The following COL24A1 variants were observed in gnomAD, a reference collection of about 807,000 sequenced individuals.
COL24A1 encodes collagen type XXIV alpha 1 chain.
A neutral mutation model predicts 253.9 loss-of-function variants in COL24A1; 224 were observed. The observed-to-expected ratio is 0.88, with a 90% CI of 0.79 to 0.99. The LOEUF (loss-of-function observed/expected upper bound fraction) is 0.99, where lower values mean the gene tolerates loss of function less well. Ranked by LOEUF, COL24A1 falls within the 50% of genes least tolerant of loss-of-function variation. COL24A1 has a pLI of 0.00. For synonymous variants in COL24A1, 685 were observed against 673.7 expected, an observed-to-expected ratio of 1.02 and a Z score of -0.26; for missense variants, 2,131 against 2,068.5, an observed-to-expected ratio of 1.03 and a Z score of -0.59.
At chr1:86,019,951 C>G (rs1393142331) in intron 18 of COL24A1, among the ~76,000 whole-genome samples, 2 of 151,740 alleles carry the variant, frequency 1.3e-5, no homozygotes, top group African/African-American at 4.8e-5. Context: ...TTAGCTTACA[C>G]TAGGAGGAAT....
In COL24A1 at chr1:85,873,277, T is replaced by G. The variant is rs1242066594; in HGVS notation, c.3138+1372A>C. ...AGTTCAACCATTGTGGAAGACAGTGTGGCGATTCCTCAAGGATCTAGAATT... is the reference window on the plus strand; with the variant it reads ...AGTTCAACCATTGTGGAAGACAGTGGGGCGATTCCTCAAGGATCTAGAATT... On this transcript the variant is annotated intron_variant, in intron 35 of 59. Coordinates refer to ENST00000370571, the MANE Select transcript of COL24A1 (RefSeq NM_152890.7). 2.6e-5 allele frequency among the ~76,000 whole-genome samples: 4 copies of G among 152,196 alleles called. No homozygotes were observed. The East Asian group carries it at 7.7e-4, about 29-fold the overall frequency.
chr1:85,881,148 A>G (rs1053887951), intron 32 of COL24A1, among the ~76,000 whole-genome samples: 7 of 152,348 alleles, frequency 4.6e-5, no homozygotes, highest in African/African-American at 1.7e-4. Context: ...GAATTCACCA[A>G]TGAGATAACC....
At chr1:86,103,592 T>G (rs1704662514) in intron 5 of COL24A1, among the ~76,000 whole-genome samples, 1 of 152,214 alleles carries the variant, frequency 6.6e-6, no homozygotes, top group African/African-American at 2.4e-5. Flanking sequence ...ACTAACTCCC[T>G]CAGCATTTGC....
At chr1:86,013,517 G>A (rs1304742662) in intron 19 of COL24A1, among the ~76,000 whole-genome samples, 1 of 152,134 alleles carries the variant, frequency 6.6e-6, no homozygotes, top group African/African-American at 2.4e-5. Context: ...TATATTTCAG[G>A]CAAAAGCCTC....
intron 39 of COL24A1, among the ~76,000 whole-genome samples, chr1:85,843,300 T>A (rs1015499061): frequency 2.3e-4 from 35 of 152,212 alleles, no homozygotes; most frequent in African/African-American, 8.2e-4. Flanking sequence ...TTAGTAAATT[T>A]AGACTCATCC....
At chr1:86,045,268 G>A (rs190520396) in intron 12 of COL24A1, among the ~76,000 whole-genome samples, 2 of 152,180 alleles carry the variant, frequency 1.3e-5, no homozygotes, top group East Asian at 1.9e-4. Flanking sequence ...GGGATTACAG[G>A]TGTGAGCCAC....
At chr1:86,077,723 CA>C (rs1462211169) in intron 7 of COL24A1, among the ~76,000 whole-genome samples, 5 of 151,858 alleles carry the variant, frequency 3.3e-5, no homozygotes, top group African/African-American at 1.2e-4. Context: ...TCATTCTTAG[CA>C]AACTAACCCA....
chr1:85,902,376 C>T (rs1177307272), intron 28 of COL24A1, among the ~76,000 whole-genome samples: 1 of 152,188 alleles, frequency 6.6e-6, no homozygotes, highest in Non-Finnish European at 1.5e-5. Flanking sequence ...ACCTGTTTTA[C>T]ACCCCCTCGC....
chr1:85,970,308 A>C (rs1183244689), intron 21 of COL24A1, 37 bp from the exon 22 acceptor site: 1 of 1,519,808 alleles, frequency 6.6e-7, no homozygotes, highest in Non-Finnish European at 8.9e-7. Context: ...ATTATGGCCT[A>C]AAATGAGTAT....
intron 53 of COL24A1, among the ~76,000 whole-genome samples, chr1:85,771,748 A>T (rs184714539): frequency 2.0e-5 from 3 of 150,068 alleles, no homozygotes; most frequent in Admixed American, 6.7e-5. Context: ...TTTCTCCACA[A>T]CCTCTCCAGC....
intron 10 of COL24A1, 105 bp downstream of exon 10, chr1:86,057,826 T>G (rs1700772694): frequency 1.0e-6 from 1 of 972,944 alleles, no homozygotes; most frequent in Non-Finnish European, 1.5e-6. Flanking sequence ...ACATTTGAAT[T>G]AAATTCAAAG....
chr1:86,119,204 C>T (rs1304618812), intron 3 of COL24A1, among the ~76,000 whole-genome samples: 1 of 152,168 alleles, frequency 6.6e-6, no homozygotes. Flanking sequence ...ACGAAAGGAT[C>T]ATAACCACAA....
At chr1:86,086,800 G>T (rs972898276) in intron 7 of COL24A1, among the ~76,000 whole-genome samples, 3 of 152,170 alleles carry the variant, frequency 2.0e-5, no homozygotes, top group Non-Finnish European at 4.4e-5. Context: ...ACACAAACTT[G>T]TCCCAAGCCT....
intron 47 of COL24A1, among the ~76,000 whole-genome samples, chr1:85,802,340 C>T (rs949169497): frequency 2.6e-5 from 4 of 152,160 alleles, no homozygotes; most frequent in African/African-American, 9.7e-5. Context: ...ACCTTGCTCA[C>T]CAAACTTTAG....
chr1:85,919,931 T>G (rs1686279431), intron 24 of COL24A1, among the ~76,000 whole-genome samples: 1 of 152,240 alleles, frequency 6.6e-6, no homozygotes, highest in South Asian at 2.1e-4. Context: ...CTCAATTAGT[T>G]TATTTGAAAG....
chr1:85,731,513 C>T (rs546960738), intron 59 of COL24A1, among the ~76,000 whole-genome samples: 1 of 152,252 alleles, frequency 6.6e-6, no homozygotes, highest in African/African-American at 2.4e-5. Flanking sequence ...GGTATGATAA[C>T]AAGACCTAAA....
intron 24 of COL24A1, among the ~76,000 whole-genome samples, chr1:85,945,017 T>TTTTTTTTTTG (rs1689166968): frequency 1.1e-5 from 1 of 92,744 alleles, no homozygotes; most frequent in Non-Finnish European, 2.2e-5. Flanking sequence ...TTTTTTTTTT[T>TTTTTTTTTTG]TTTTTTTTTT....
At chr1:85,905,093 CTGTGTGGTCTCTG>C (rs1264948487) in intron 28 of COL24A1, among the ~76,000 whole-genome samples, 1 of 152,070 alleles carries the variant, frequency 6.6e-6, no homozygotes, top group Admixed American at 6.6e-5. Context: ...TGAAAATTCT[CTGTGTGGTCTCTG>C]TGCAAATGTA....
At chr1:85,757,227 C>T (rs894811666) in intron 55 of COL24A1, among the ~76,000 whole-genome samples, 5 of 152,068 alleles carry the variant, frequency 3.3e-5, no homozygotes, top group African/African-American at 1.2e-4. Context: ...TATATCTTGC[C>T]AACATTAAAA....
Sources: allele counts gnomAD v4.1 joint callset (sites outside exome capture counted in the v4.1 genomes callset), GRCh38; gene constraint gnomAD v4.1.1; transcripts MANE v1.5; gene names NCBI Gene and HGNC (gene_info 2026-07-23, HGNC 2026-07-21).